RIN2: variants seen among roughly 807,000 people sequenced by gnomAD.
The protein encoded by RIN2 is RAB5 interacting protein 2.
A neutral mutation model predicts 78.0 loss-of-function variants in RIN2; 36 were observed. The ratio of observed to expected loss-of-function variants is 0.46; its 90% CI spans 0.35 to 0.61. RIN2 has a LOEUF of 0.61. Among genes scored for constraint, RIN2 ranks in the 20% least tolerant of loss-of-function variants. RIN2 has a pLI of 0.00. For missense variants in RIN2, 1,087 were observed against 1,159.7 expected (o/e 0.94, Z 0.91); for synonymous variants, 466 against 466.8 (o/e 1.00, Z 0.02).
At chr20:19,802,617 C>G (rs1450757700) in intron 2 of RIN2, among the ~76,000 whole-genome samples, 1 of 152,084 alleles carries the variant, frequency 6.6e-6, no homozygotes, top group African/African-American at 2.4e-5. Context: ...AATTCCTTGG[C>G]AAGCAGTCAG....
rs752333750 is a variant in RIN2, at chr20:19,964,995, C to T, written c.507C>T (p.Phe169=). Reference sequence around the variant, plus strand: ...CAGGAATCAGTTTCGCAGATTTATTCCGGCTCATTGCTTTCTACTGCATCA... The same window carrying T: ...CAGGAATCAGTTTCGCAGATTTATTTCGGCTCATTGCTTTCTACTGCATCA... ...EGSGISFADL[F]RLIAFYCISR... Residue 169 remains phenylalanine (F), a synonymous_variant, in exon 7 of 13, where the codon TTC becomes TTT. Coordinates refer to ENST00000255006, the MANE Select transcript of RIN2 (RefSeq NM_018993.4). 1.7e-5 allele frequency: 28 copies of T among 1,613,566 alleles called. No homozygotes were observed. In the South Asian group the frequency reaches 2.9e-4, roughly 16 times the overall value.
At chr20:19,940,498 A>G (rs977856366) in intron 4 of RIN2, among the ~76,000 whole-genome samples, 1 of 152,164 alleles carries the variant, frequency 6.6e-6, no homozygotes, top group Admixed American at 6.5e-5. Context: ...ACCATGAGCT[A>G]TTTTAATCTT....
intron 2 of RIN2, among the ~76,000 whole-genome samples, chr20:19,852,815 G>T (rs867894595): frequency 6.6e-6 from 1 of 152,048 alleles, no homozygotes; most frequent in Non-Finnish European, 1.5e-5. Flanking sequence ...TAAGACTGTC[G>T]CTTAGGATAA....
rs1163956426 is a variant in RIN2 at position 19,956,721 on chromosome 20, C to T, written c.265C>T (p.Arg89Trp). The stretch of plus-strand genomic sequence containing the variant: ...CTCCAACAGGCTCAGCATCTTGGAC[C>T]GGCTCCTCCACACCCACCCCATATG... ...SLSNRLSILD[R>W]LLHTHPIWLQ... Residue 89 changes from arginine (R) to tryptophan (W), a missense_variant, in exon 5 of 13, where the codon CGG becomes TGG. Coordinates refer to ENST00000255006, the MANE Select transcript of RIN2 (RefSeq NM_018993.4). The T allele has an allele frequency of 3.1e-6, 5 of 1,610,654 alleles. No individual in the cohort carries two copies. Among genetic ancestry groups the T allele is most frequent in the Admixed American group, 1.7e-5 (1 of 59,640 alleles).
At chr20:19,800,995 G>T (rs2074144947) in intron 2 of RIN2, among the ~76,000 whole-genome samples, 2 of 152,218 alleles carry the variant, frequency 1.3e-5, no homozygotes, top group Non-Finnish European at 2.9e-5. Flanking sequence ...TGGGCTGGGA[G>T]CTGGGCCTTC....
chr20:19,768,115 T>C (rs2033966576), intron 1 of RIN2, among the ~76,000 whole-genome samples: 2 of 152,054 alleles, frequency 1.3e-5, no homozygotes, highest in Admixed American at 6.5e-5. Flanking sequence ...AGAAAGTCTG[T>C]GAGGGAAACA....
intron 2 of RIN2, among the ~76,000 whole-genome samples, chr20:19,869,794 T>TTATTTATTTATC (rs2037628376): frequency 1.4e-5 from 2 of 142,792 alleles, no homozygotes. Context: ...CTGGCTAATT[T>TTATTTATTTATC]TATTTATTTA....
At chr20:19,876,679 C>G (rs1237479092) in intron 2 of RIN2, among the ~76,000 whole-genome samples, 1 of 152,042 alleles carries the variant, frequency 6.6e-6, no homozygotes, top group East Asian at 1.9e-4. Context: ...CTGAGGCAGG[C>G]AGATCACTTG....
intron 2 of RIN2, chr20:19,823,916 T>C (rs895675503): frequency 2.3e-5 from 36 of 1,587,684 alleles, no homozygotes; most frequent in Non-Finnish European, 3.1e-5. Context: ...ACGACTTTGA[T>C]CTCGTTCGGG....
intron 1 of RIN2, among the ~76,000 whole-genome samples, chr20:19,769,257 A>G (rs1046252734): frequency 6.6e-6 from 1 of 152,088 alleles, no homozygotes; most frequent in Non-Finnish European, 1.5e-5. Flanking sequence ...TGTTTCTATT[A>G]TTATTGGCTC....
chr20:19,817,309 G>A (rs576702072), intron 2 of RIN2, among the ~76,000 whole-genome samples: 1 of 152,190 alleles, frequency 6.6e-6, no homozygotes, highest in Non-Finnish European at 1.5e-5. Context: ...AGTCCCTGGG[G>A]AAGGCTCACC....
intron 1 of RIN2, among the ~76,000 whole-genome samples, chr20:19,761,972 A>G (rs2033659864): frequency 6.6e-6 from 1 of 152,244 alleles, no homozygotes; most frequent in African/African-American, 2.4e-5. Context: ...TTGGCTAGTT[A>G]CATCCATTGA....
intron 3 of RIN2, among the ~76,000 whole-genome samples, chr20:19,909,573 T>G (rs1241735635): frequency 6.6e-6 from 1 of 152,224 alleles, no homozygotes; most frequent in Non-Finnish European, 1.5e-5. Flanking sequence ...TACTCCCCGC[T>G]GGCATGGGAT....
intron 1 of RIN2, among the ~76,000 whole-genome samples, chr20:19,769,179 C>T (rs1235913509): frequency 2.6e-5 from 4 of 152,216 alleles, no homozygotes; most frequent in African/African-American, 7.2e-5. Flanking sequence ...GCCTTGGCCA[C>T]GCGCCTTGGC....
intron 4 of RIN2, among the ~76,000 whole-genome samples, chr20:19,943,590 G>C (rs1449689001): frequency 2.0e-5 from 3 of 152,130 alleles, no homozygotes; most frequent in African/African-American, 7.2e-5. Flanking sequence ...ACAAAAAAAG[G>C]CCTTGAGGAA....
chr20:19,885,014 G>A (rs1277424533), intron 2 of RIN2, among the ~76,000 whole-genome samples: 2 of 152,062 alleles, frequency 1.3e-5, no homozygotes, highest in Non-Finnish European at 2.9e-5. Context: ...CGTGCTGCCC[G>A]GCCTCATTTA....
chr20:19,766,430 G>T lies in RIN2; in HGVS notation c.-163+8103G>T, dbSNP rs540682620. Among the ~76,000 whole-genome samples, 39 of 152,230 alleles carry T rather than the reference G, an allele frequency of 2.6e-4. No homozygotes were observed. The South Asian group carries it at 7.9e-3, about 31-fold the overall frequency. On this transcript the variant is annotated intron_variant, in intron 1 of 12. Transcript: ENST00000255006. ...GAGTCATTTCAAAGAACAGGGCTAG[G>T]AAAGGGCAGATTCAAGGTTGGTTCC...
intron 2 of RIN2, among the ~76,000 whole-genome samples, chr20:19,867,078 A>G (rs775316600): frequency 1.3e-5 from 2 of 152,090 alleles, no homozygotes; most frequent in Non-Finnish European, 2.9e-5. Flanking sequence ...AAAGTTTGCA[A>G]GTATAGTACA....
In RIN2 at chr20:19,996,441, C is replaced by T. The variant is rs376972032; in HGVS notation, c.2201-238C>T. On this transcript the variant is annotated intron_variant, in intron 11 of 12. Coordinates refer to ENST00000255006, the MANE Select transcript of RIN2 (RefSeq NM_018993.4). ...CTTGTCAGCCTGGCTTGTCTGTGCCCCCTTGGCCCCTCCCAGGCCTGGGTC... is the reference window on the plus strand; with the variant it reads ...CTTGTCAGCCTGGCTTGTCTGTGCCTCCTTGGCCCCTCCCAGGCCTGGGTC... Among the ~76,000 whole-genome samples the T allele has an allele frequency of 4.9e-4, 74 of 152,306 alleles. 1 individual carries two copies. The East Asian group carries it at 9.1e-3, about 19-fold the overall frequency.
Sources: gnomAD v4.1 joint callset for allele counts (sites outside exome capture counted in the v4.1 genomes callset) on GRCh38, gnomAD v4.1.1 for gene constraint, MANE v1.5 for transcripts, NCBI Gene and HGNC (gene_info 2026-07-23, HGNC 2026-07-21) for gene names.